Variants in NF1 observed in about 807,000 individuals in gnomAD.
NF1 encodes neurofibromin.
A neutral mutation model predicts 325.7 loss-of-function variants in NF1; 122 were observed. That is an observed-to-expected ratio of 0.37 (90% CI 0.32 to 0.44). The LOEUF is 0.44. Ranked by LOEUF, NF1 falls within the 20% of genes least tolerant of loss-of-function variation. NF1 has a pLI of 1.00. For synonymous variants in NF1, 1,091 were observed against 1,186.0 expected, an observed-to-expected ratio of 0.92 and a Z score of 1.65; for missense variants, 2,140 against 3,415.4, an observed-to-expected ratio of 0.63 and a Z score of 9.31.
At chr17:31,372,671 C>G (rs544258485) in intron 57 of NF1, among the ~76,000 whole-genome samples, 2 of 152,184 alleles carry the variant, frequency 1.3e-5, no homozygotes, top group African/African-American at 4.8e-5. Context: ...AAATAAAAAT[C>G]TTATTTTAGT....
At chr17:31,284,346 G>T (rs949878754) in intron 36 of NF1, among the ~76,000 whole-genome samples, 3 of 151,960 alleles carry the variant, frequency 2.0e-5, no homozygotes, top group Non-Finnish European at 4.4e-5. Flanking sequence ...GCAATGGTGA[G>T]ATCTCAGCTC....
intron 1 of NF1, among the ~76,000 whole-genome samples, chr17:31,119,230 C>T (rs1273912825): frequency 5.3e-5 from 8 of 152,046 alleles, no homozygotes; most frequent in East Asian, 1.9e-4. Flanking sequence ...TGTGAGCCAC[C>T]GCGCCTGGCC....
At chr17:31,148,455 C>G (rs1916725833) in intron 1 of NF1, among the ~76,000 whole-genome samples, 1 of 150,210 alleles carries the variant, frequency 6.7e-6, no homozygotes, top group South Asian at 2.1e-4. Context: ...GTCCAGATTC[C>G]TTTTACTGGG....
At chr17:31,154,896 C>T (rs2143617216) in intron 1 of NF1, among the ~76,000 whole-genome samples, 1 of 152,054 alleles carries the variant, frequency 6.6e-6, no homozygotes, top group African/African-American at 2.4e-5. Flanking sequence ...CGTGGCACTA[C>T]ACCCAGCTAA....
intron 8 of NF1, among the ~76,000 whole-genome samples, chr17:31,193,718 G>T (rs1251086160): frequency 1.3e-5 from 2 of 151,954 alleles, no homozygotes; most frequent in Non-Finnish European, 2.9e-5. Context: ...TTAAAAATGG[G>T]CAAAGGACCT....
chr17:31,149,139 G>A (rs1916764671), intron 1 of NF1, among the ~76,000 whole-genome samples: 1 of 151,272 alleles, frequency 6.6e-6, no homozygotes, highest in African/African-American at 2.4e-5. Context: ...GTGTCCTGGA[G>A]ATTATTCTAT....
intron 33 of NF1, 107 bp from the exon 34 acceptor site, chr17:31,260,262 A>G (rs917746069): frequency 3.0e-5 from 35 of 1,168,548 alleles, no homozygotes; most frequent in Non-Finnish European, 4.2e-5. Context: ...AGCCCTCCAT[A>G]TTTGTAATCT....
chr17:31,358,918 C>T (rs748157545), intron 55 of NF1, 51 bp from the exon 56 acceptor site: 3 of 1,471,170 alleles, frequency 2.0e-6, no homozygotes, highest in East Asian at 2.3e-5. Flanking sequence ...ATTTCTGTTA[C>T]AATTAAAAGA....
At chr17:31,347,064 A>G (rs1185217859) in intron 48 of NF1, among the ~76,000 whole-genome samples, 3 of 151,680 alleles carry the variant, frequency 2.0e-5, no homozygotes, top group Non-Finnish European at 4.4e-5. Flanking sequence ...AACCCCCTAA[A>G]GTCTTTTGGG....
At chr17:31,101,056 GT>G (rs943229652) in intron 1 of NF1, among the ~76,000 whole-genome samples, 134 of 151,576 alleles carry the variant, frequency 8.8e-4, no homozygotes, top group African/African-American at 3.2e-3. Context: ...CTCTCTCTCT[GT>G]GGACCAGTCT....
At chr17:31,238,252 G>A (rs2067236889) in intron 29 of NF1, among the ~76,000 whole-genome samples, 1 of 130,886 alleles carries the variant, frequency 7.6e-6, no homozygotes, top group African/African-American at 3.5e-5. Flanking sequence ...GAAGATAGGA[G>A]AAAAATCCCT....
chr17:31,333,733 G>A (rs1168842745), intron 39 of NF1, among the ~76,000 whole-genome samples: 2 of 152,216 alleles, frequency 1.3e-5, no homozygotes, highest in Non-Finnish European at 2.9e-5. Context: ...GGATGGTGGT[G>A]ATGGCTGCAC....
intron 29 of NF1, among the ~76,000 whole-genome samples, chr17:31,240,776 T>G (rs2067283075): frequency 6.6e-6 from 1 of 152,208 alleles, no homozygotes; most frequent in Admixed American, 6.5e-5. Flanking sequence ...AAAGCAACTT[T>G]AGGGTGATGT....
At chr17:31,345,645 A>C (rs2069956445) in intron 48 of NF1, 1 of 1,614,012 alleles carries the variant, frequency 6.2e-7, no homozygotes, top group Non-Finnish European at 8.5e-7. Flanking sequence ...CTTGCGGGAG[A>C]ACATCAAGGC....
chr17:31,294,971 G>A lies in NF1; in HGVS notation c.4835+29632G>A, dbSNP rs1450200378. ...ACATATTTTCCCAACTGTACATCAG[G>A]GAGGAGTGCTTTCATTAGTTTCAGA... is the stretch of plus-strand genomic sequence containing the variant. On this transcript the variant is annotated intron_variant, in intron 36 of 57. Coordinates refer to ENST00000358273, the MANE Select transcript of NF1 (RefSeq NM_001042492.3). 7 of 1,613,544 alleles carry A rather than the reference G, an allele frequency of 4.3e-6. No individual in the cohort carries two copies. The Admixed American group carries it at 8.3e-5, about 19-fold the overall frequency.
chr17:31,366,083 C>T (rs191250212), intron 57 of NF1, among the ~76,000 whole-genome samples: 169 of 152,022 alleles, frequency 1.1e-3, no homozygotes, highest in African/African-American at 3.8e-3. Flanking sequence ...TACAGGCACC[C>T]ACTACCATGC....
At chr17:31,367,652 C>T (rs2070553040) in intron 57 of NF1, among the ~76,000 whole-genome samples, 1 of 152,128 alleles carries the variant, frequency 6.6e-6, no homozygotes, top group Admixed American at 6.6e-5. Context: ...AGAAAGCCAA[C>T]CCCAGTGTTT....
chr17:31,354,323 A>G (rs924370148), intron 51 of NF1, among the ~76,000 whole-genome samples: 1 of 152,232 alleles, frequency 6.6e-6, no homozygotes, highest in Non-Finnish European at 1.5e-5. Context: ...CTTGCAAAAT[A>G]GCAGGATAAG....
intron 36 of NF1, among the ~76,000 whole-genome samples, chr17:31,268,669 CA>C (rs1338900535): frequency 2.0e-5 from 3 of 149,392 alleles, no homozygotes; most frequent in African/African-American, 7.4e-5. Flanking sequence ...GTTTCTTCAT[CA>C]GGGGCTGTTC....
Sources: gnomAD v4.1 joint callset for allele counts (sites outside exome capture counted in the v4.1 genomes callset) on GRCh38, gnomAD v4.1.1 for gene constraint, MANE v1.5 for transcripts, NCBI Gene and HGNC (gene_info 2026-07-23, HGNC 2026-07-21) for gene names.